GOPC: variants seen among roughly 807,000 people sequenced by gnomAD.
The protein encoded by GOPC is Golgi-associated PDZ and coiled-coil motif-containing protein.
In GOPC, 32 loss-of-function variants were observed where a neutral mutation model predicts 51.2. The observed-to-expected ratio is 0.63, with a 90% confidence interval of 0.47 to 0.84. The LOEUF (loss-of-function observed/expected upper bound fraction) is 0.84. GOPC is among the 40% of genes least tolerant of loss of function. The pLI is 0.00. For missense variants in GOPC, 441 were observed against 555.5 expected (o/e 0.79, Z 2.07); for synonymous variants, 190 against 205.1 (o/e 0.93, Z 0.63).
intron 1 of GOPC, among the ~76,000 whole-genome samples, chr6:117,595,867 G>A (rs183176690): frequency 6.6e-6 from 1 of 152,082 alleles, no homozygotes; most frequent in Non-Finnish European, 1.5e-5. Flanking sequence ...AAACATGTTT[G>A]CAAGTATCTT....
intron 1 of GOPC, among the ~76,000 whole-genome samples, chr6:117,593,412 TTA>T (rs1346657194): frequency 1.3e-5 from 2 of 152,218 alleles, no homozygotes; most frequent in Non-Finnish European, 2.9e-5. Flanking sequence ...TCTCACAGAC[TTA>T]TGTTTTATTT....
chr6:117,587,763 T>G (rs1332125263), intron 1 of GOPC, among the ~76,000 whole-genome samples: 1 of 152,174 alleles, frequency 6.6e-6, no homozygotes, highest in Non-Finnish European at 1.5e-5. Context: ...TAATGATGAG[T>G]AAAATGTTGG....
At chr6:117,596,026 G>A (rs1210209977) in intron 1 of GOPC, among the ~76,000 whole-genome samples, 1 of 152,166 alleles carries the variant, frequency 6.6e-6, no homozygotes, top group Non-Finnish European at 1.5e-5. Context: ...CAGTGTAAAA[G>A]TGTTCCCTTT....
At position 117,567,043 on chromosome 6, in the gene GOPC, G is replaced by C. The variant is rs1362320746; in HGVS notation, c.1078-9C>G. ...AATTCAATCTCTCCTCTCTAAAACA[G>C]GAAATGAAAATGAGAAAGTCAAGTT... On this transcript the variant is annotated splice_polypyrimidine_tract_variant and intron_variant, in intron 7 of 8. Coordinates refer to ENST00000368498, the MANE Select transcript of GOPC (RefSeq NM_020399.4). 2 of 1,543,556 alleles carry C rather than the reference G, an allele frequency of 1.3e-6. No individual in the cohort carries two copies. Among genetic ancestry groups the C allele is most frequent in the Non-Finnish European group, 1.7e-6 (2 of 1,151,218 alleles).
At chr6:117,597,348 T>G (rs1780211771) in intron 1 of GOPC, among the ~76,000 whole-genome samples, 1 of 152,224 alleles carries the variant, frequency 6.6e-6, no homozygotes, top group African/African-American at 2.4e-5. Flanking sequence ...CAGTCTGACT[T>G]CCTCTTTAAC....
At chr6:117,590,834 ATTTTGTTTTGTTTTG>A (rs56012071) in intron 1 of GOPC, among the ~76,000 whole-genome samples, 2 of 150,802 alleles carry the variant, frequency 1.3e-5, no homozygotes, top group Non-Finnish European at 1.5e-5. Context: ...TCAGTTCCAA[ATTTTGTTTTGTTTTG>A]TTTTGTTTTG....
intron 1 of GOPC, among the ~76,000 whole-genome samples, chr6:117,579,401 C>A (rs1471248884): frequency 6.6e-6 from 1 of 152,046 alleles, no homozygotes; most frequent in Non-Finnish European, 1.5e-5. Flanking sequence ...AGGTGGTTCA[C>A]CATGTGGTAG....
At position 117,569,040 on chromosome 6, in the gene GOPC, A is replaced by T. The variant is rs1409828367; in HGVS notation, c.1077+532T>A. Among the ~76,000 whole-genome samples the T allele has an allele frequency of 3.9e-5, 6 of 152,224 alleles. 1 individual carries two copies. Among genetic ancestry groups the T allele is most frequent in the Admixed American group, 3.9e-4 (6 of 15,282 alleles). On this transcript the variant is annotated intron_variant, in intron 7 of 8. Transcript: ENST00000368498. The stretch of plus-strand genomic sequence containing the variant: ...ATATGACTCCTGAGTATGAATCTCA[A>T]TTCTATAATTTATTTGCTTGGCAAC...
At chr6:117,597,873 A>G (rs1280952460) in intron 1 of GOPC, among the ~76,000 whole-genome samples, 2 of 152,064 alleles carry the variant, frequency 1.3e-5, no homozygotes, top group African/African-American at 2.4e-5. Flanking sequence ...GAAGCAATCT[A>G]TATTTCCACA....
In GOPC at chr6:117,561,088, C is replaced by T. The variant is rs528095102; in HGVS notation, c.*2166G>A. ...TAGCATCTGAGCAACGGTGCTCTCC[C>T]GTAGGCTTATAAACCACAGTGAAGC... On this transcript the variant is annotated 3_prime_UTR_variant, in exon 9 of 9. Transcript: ENST00000368498. The T allele has an allele frequency of 5.8e-5, 13 of 223,146 alleles. No homozygotes were observed. Among genetic ancestry groups the T allele is most frequent in the African/African-American group, 1.8e-4 (8 of 44,860 alleles). The allele number at this position is 223,146 out of a possible 1,614,324, so 13.8% of individuals were successfully genotyped here.
In GOPC at chr6:117,563,199, G is replaced by C. The variant is rs1200484914; in HGVS notation, c.*55C>G. ...GTAGTCTTTGTCACCATCTTCCCCA[G>C]TGCCCCAAATTCAGAATAGTCTGAT... On this transcript the variant is annotated 3_prime_UTR_variant, in exon 9 of 9. Coordinates refer to ENST00000368498, the MANE Select transcript of GOPC (RefSeq NM_020399.4). 6.5e-7 allele frequency: 1 copy of C among 1,538,556 alleles called. No individual in the cohort carries two copies. The highest frequency in any genetic ancestry group is 2.3e-5 in the East Asian group (1 of 44,348).
intron 1 of GOPC, among the ~76,000 whole-genome samples, chr6:117,595,751 T>G (rs1272445049): frequency 6.6e-6 from 1 of 152,242 alleles, no homozygotes; most frequent in African/African-American, 2.4e-5. Flanking sequence ...CTGAGTAATA[T>G]TCCAGGTGTC....
At chr6:117,566,420 A>G (rs1470872155) in intron 8 of GOPC, among the ~76,000 whole-genome samples, 2 of 152,176 alleles carry the variant, frequency 1.3e-5, no homozygotes, top group Admixed American at 6.5e-5. Flanking sequence ...CCAAGATAAT[A>G]TAAGTTGATT....
In GOPC at chr6:117,561,441, A is replaced by C. The variant is rs149950713; in HGVS notation, c.*1813T>G. On this transcript the variant is annotated 3_prime_UTR_variant, in exon 9 of 9. Coordinates refer to ENST00000368498, the MANE Select transcript of GOPC (RefSeq NM_020399.4). The stretch of plus-strand genomic sequence containing the variant: ...GATAAGAATAACATGGTTTCATGTC[A>C]CAGCAAAAAGGTTTTCGGGTCTGCT... 4.6e-4 allele frequency: 102 copies of C among 223,274 alleles called. No individual in the cohort carries two copies. The highest frequency in any genetic ancestry group is 8.3e-4 in the Non-Finnish European group (93 of 111,636). 13.8% of individuals were successfully genotyped at this position (223,274 alleles called of 1,614,324 possible). A position where few individuals can be genotyped will look rare whatever the true frequency, so the allele number is the denominator to read the frequency against.
intron 3 of GOPC, 113 bp from the exon 4 acceptor site, chr6:117,575,465 A>T (rs560864611): frequency 1.2e-6 from 1 of 833,420 alleles, no homozygotes; most frequent in Non-Finnish European, 2.1e-6. Context: ...CATCTCTATA[A>T]AATGGAACAC....
At chr6:117,588,490 G>A (rs1258558208) in intron 1 of GOPC, among the ~76,000 whole-genome samples, 1 of 151,968 alleles carries the variant, frequency 6.6e-6, no homozygotes, top group Middle Eastern at 3.2e-3. Context: ...TGGCCAGACT[G>A]GTTTTGAACT....
At chr6:117,566,489 T>G (rs143982461) in intron 8 of GOPC, among the ~76,000 whole-genome samples, 117 of 152,288 alleles carry the variant, frequency 7.7e-4, no homozygotes, top group Non-Finnish European at 1.2e-3. Context: ...AGCTTAAAAT[T>G]CATTGTGAGA....
At chr6:117,597,945 AT>A (rs1229869308) in intron 1 of GOPC, among the ~76,000 whole-genome samples, 3 of 152,168 alleles carry the variant, frequency 2.0e-5, no homozygotes, top group Admixed American at 2.0e-4. Context: ...CTACTTAGCC[AT>A]AAAAAAGAAT....
chr6:117,602,360 A>T lies in GOPC; in HGVS notation c.-72T>A. 7.0e-6 allele frequency: 10 copies of T among 1,433,530 alleles called. No homozygotes were observed. Among genetic ancestry groups the T allele is most frequent in the Non-Finnish European group, 9.2e-6 (10 of 1,092,308 alleles). The allele number at this position is 1,433,530 out of a possible 1,614,324, so 88.8% of individuals were successfully genotyped here. A position where few individuals can be genotyped will look rare whatever the true frequency, so the allele number is the denominator to read the frequency against. ...CCCGCGCACGAAGGGAACTGCTGGG[A>T]CTGAGGGGACCCCCGCGCGCGCGGG... On this transcript the variant is annotated 5_prime_UTR_variant, in exon 1 of 9. Transcript: ENST00000368498.
Sources: gnomAD v4.1 joint callset for allele counts (sites outside exome capture counted in the v4.1 genomes callset) on GRCh38, gnomAD v4.1.1 for gene constraint, MANE v1.5 for transcripts, NCBI Gene and HGNC (gene_info 2026-07-23, HGNC 2026-07-21) for gene names.